Variants in PKNOX2 observed in about 807,000 individuals in gnomAD.
PKNOX2 encodes the protein homeobox protein PKNOX2.
PKNOX2 carries 14 observed loss-of-function variants against 53.1 expected under a neutral mutation model. The ratio of observed to expected loss-of-function variants is 0.26; its 90% CI spans 0.17 to 0.41. PKNOX2 has a LOEUF of 0.41. Among genes scored for constraint, PKNOX2 ranks in the 10% least tolerant of loss-of-function variants. PKNOX2 has a pLI of 1.00. For missense variants in PKNOX2, 496 were observed against 602.8 expected (o/e 0.82, Z 1.85); for synonymous variants, 257 against 242.8 (o/e 1.06, Z -0.54).
intron 1 of PKNOX2, among the ~76,000 whole-genome samples, chr11:125,216,315 T>G (rs11827040): frequency 1.3e-5 from 2 of 152,172 alleles, no homozygotes; most frequent in African/African-American, 4.8e-5. Context: ...CAGGCCACGG[T>G]GTGACCCTGG....
intron 2 of PKNOX2, among the ~76,000 whole-genome samples, chr11:125,243,748 G>A (rs372765738): frequency 4.0e-5 from 6 of 151,502 alleles, no homozygotes; most frequent in African/African-American, 1.2e-4. Flanking sequence ...TCAGCCTCCC[G>A]AGTAGCTGGG....
At chr11:125,423,880 G>T (rs936066408) in intron 10 of PKNOX2, among the ~76,000 whole-genome samples, 10 of 152,150 alleles carry the variant, frequency 6.6e-5, no homozygotes, top group South Asian at 2.1e-4. Flanking sequence ...TTTTGAGATT[G>T]CAGGAAGGTG....
At chr11:125,379,395 A>G (rs145613551) in intron 5 of PKNOX2, among the ~76,000 whole-genome samples, 1,789 of 152,260 alleles carry the variant, frequency 0.012, 31 homozygotes, top group African/African-American at 0.04. Context: ...GAGTCTTTTA[A>G]TAAAAAGAAA....
intron 2 of PKNOX2, among the ~76,000 whole-genome samples, chr11:125,299,326 A>G (rs1018153403): frequency 2.6e-5 from 4 of 152,112 alleles, no homozygotes; most frequent in African/African-American, 7.2e-5. Flanking sequence ...GAGGGGACAA[A>G]CATCCAAACT....
chr11:125,236,547 C>T (rs893990331), intron 2 of PKNOX2, among the ~76,000 whole-genome samples: 46 of 152,126 alleles, frequency 3.0e-4, no homozygotes, highest in Admixed American at 2.9e-3. Context: ...AATAGGCCTG[C>T]GCATCCCCCC....
intron 2 of PKNOX2, among the ~76,000 whole-genome samples, chr11:125,258,268 A>G (rs1944568349): frequency 6.6e-6 from 1 of 151,156 alleles, no homozygotes; most frequent in East Asian, 1.9e-4. Context: ...CCTCTTTCCC[A>G]TTATCTCTAA....
chr11:125,316,729 G>C (rs368839173), intron 2 of PKNOX2, among the ~76,000 whole-genome samples: 5 of 152,192 alleles, frequency 3.3e-5, no homozygotes, highest in Admixed American at 2.0e-4. Flanking sequence ...TGAGCCTTCA[G>C]CAAGTCATAA....
At chr11:125,231,503 C>T (rs985506544) in intron 1 of PKNOX2, among the ~76,000 whole-genome samples, 1 of 152,228 alleles carries the variant, frequency 6.6e-6, no homozygotes, top group Non-Finnish European at 1.5e-5. Flanking sequence ...TGCATTATTG[C>T]ATGGCTGAAA....
chr11:125,310,705 C>A (rs1014348738), intron 2 of PKNOX2, among the ~76,000 whole-genome samples: 2 of 152,052 alleles, frequency 1.3e-5, no homozygotes, highest in African/African-American at 4.8e-5. Context: ...GTTTTGCAAT[C>A]CTGTTCTTTC....
intron 6 of PKNOX2, 22 bp downstream of exon 6, chr11:125,385,744 C>T (rs751414817): frequency 6.2e-7 from 1 of 1,608,944 alleles, no homozygotes; most frequent in Non-Finnish European, 8.5e-7. Context: ...CCACCCTCTA[C>T]CCTGGCTAGA....
At chr11:125,386,992 G>A (rs1229391536) in intron 6 of PKNOX2, among the ~76,000 whole-genome samples, 3 of 152,168 alleles carry the variant, frequency 2.0e-5, no homozygotes, top group Admixed American at 6.5e-5. Context: ...GAAGGCATCC[G>A]AGAGCCCCAA....
intron 2 of PKNOX2, among the ~76,000 whole-genome samples, chr11:125,254,558 G>A (rs888108608): frequency 1.1e-4 from 17 of 152,218 alleles, no homozygotes; most frequent in Admixed American, 9.8e-4. Flanking sequence ...ACAATGAAGA[G>A]AACAGTCAGT....
chr11:125,295,883 A>G (rs10893363), intron 2 of PKNOX2, among the ~76,000 whole-genome samples: 13,952 of 152,104 alleles, frequency 0.092, 1,136 homozygotes, highest in East Asian at 0.44. Flanking sequence ...GCCCCCGTTC[A>G]ATATGTTAAA....
chr11:125,243,885 G>A (rs1162298272), intron 2 of PKNOX2, among the ~76,000 whole-genome samples: 1 of 152,170 alleles, frequency 6.6e-6, no homozygotes, highest in African/African-American at 2.4e-5. Flanking sequence ...GCCTCCCAAA[G>A]TGCTGGGATT....
chr11:125,405,427 C>T (rs578240944), intron 7 of PKNOX2, among the ~76,000 whole-genome samples: 17 of 152,156 alleles, frequency 1.1e-4, no homozygotes, highest in East Asian at 1.9e-4. Context: ...AAATGAAGCA[C>T]GGTGGCTCAC....
chr11:125,182,614 T>TGTTA (rs1217711222), intron 1 of PKNOX2, among the ~76,000 whole-genome samples: 13 of 152,232 alleles, frequency 8.5e-5, no homozygotes, highest in African/African-American at 2.9e-4. Flanking sequence ...TACAACAGGC[T>TGTTA]CAGCCATCTG....
rs939007358 is a variant in PKNOX2, at chr11:125,166,416, G to A, written c.-201+1640G>A. Among the ~76,000 whole-genome samples, 2 of 152,204 alleles carry A rather than the reference G, an allele frequency of 1.3e-5. No individual in the cohort carries two copies. Among genetic ancestry groups the A allele is most frequent in the Admixed American group, 6.5e-5 (1 of 15,282 alleles). On this transcript the variant is annotated intron_variant, in intron 1 of 12. Coordinates refer to ENST00000298282, the MANE Select transcript of PKNOX2 (RefSeq NM_001382323.2). This position sits in a 1 kb window ranked among gnomAD's most constrained non-coding sequence, Gnocchi z 4.0. ...AGAGGACTTGGGCCACACAGGACCCGGTCCTAAGAGAGCGATTCCGGGAAG... is the reference window on the plus strand; with the variant it reads ...AGAGGACTTGGGCCACACAGGACCCAGTCCTAAGAGAGCGATTCCGGGAAG...
At chr11:125,221,359 T>A (rs1000917863) in intron 1 of PKNOX2, among the ~76,000 whole-genome samples, 3 of 152,014 alleles carry the variant, frequency 2.0e-5, no homozygotes, top group Non-Finnish European at 4.4e-5. Flanking sequence ...AAAATAAGCA[T>A]GAAGTGTGTG....
At chr11:125,401,795 G>GTGTGTA (rs1336270581) in intron 7 of PKNOX2, among the ~76,000 whole-genome samples, 1 of 151,778 alleles carries the variant, frequency 6.6e-6, no homozygotes, top group African/African-American at 2.4e-5. Flanking sequence ...GTGTGTATGT[G>GTGTGTA]TGTGCACACG....
Sources: allele counts gnomAD v4.1 joint callset (sites outside exome capture counted in the v4.1 genomes callset), GRCh38; gene constraint gnomAD v4.1.1; non-coding constraint Gnocchi (gnomAD v3.1); transcripts MANE v1.5; gene names NCBI Gene and HGNC (gene_info 2026-07-23, HGNC 2026-07-21).